The following NAALADL2 variants were observed in gnomAD, a reference collection of about 807,000 sequenced individuals.
The protein encoded by NAALADL2 is inactive N-acetylated-alpha-linked acidic dipeptidase-like protein 2.
In NAALADL2, 76 loss-of-function variants were observed where a neutral mutation model predicts 87.2. The observed-to-expected ratio is 0.87, with a 90% CI of 0.72 to 1.05. The LOEUF (loss-of-function observed/expected upper bound fraction) is 1.05, where lower values mean the gene tolerates loss of function less well. Ranked by LOEUF, NAALADL2 falls within the 50% of genes least tolerant of loss-of-function variation. NAALADL2 has a pLI of 0.00. For synonymous variants in NAALADL2, 354 were observed against 331.0 expected, an observed-to-expected ratio of 1.07 and a Z score of -0.75; for missense variants, 1,089 against 945.8, an observed-to-expected ratio of 1.15 and a Z score of -1.99.
intron 1 of NAALADL2, 33 bp from the exon 2 acceptor site, chr3:175,096,752 GTTTAT>G (rs1241082020): frequency 3.0e-6 from 4 of 1,323,780 alleles, no homozygotes; most frequent in Non-Finnish European, 4.0e-6. Context: ...TTAATTGTGT[GTTTAT>G]TTTATTAAAA....
At chr3:174,736,965 C>T (rs886510956) in intron 2 of NAALADL2, among the ~76,000 whole-genome samples, 2 of 152,186 alleles carry the variant, frequency 1.3e-5, no homozygotes, top group Non-Finnish European at 2.9e-5. Flanking sequence ...CAAGCCTGCG[C>T]ACACCCAGCC....
At chr3:174,856,574 A>G (rs547123175), upstream of NAALADL2, among the ~76,000 whole-genome samples, 12 of 152,224 alleles carry the variant, frequency 7.9e-5, no homozygotes, top group East Asian at 1.5e-3. Flanking sequence ...AAGGACTTTC[A>G]TGGTAATTTG....
At chr3:175,196,002 A>G (rs1156830262) in intron 2 of NAALADL2, among the ~76,000 whole-genome samples, 4 of 151,922 alleles carry the variant, frequency 2.6e-5, no homozygotes, top group Non-Finnish European at 4.4e-5. Context: ...TGCCTTTGAT[A>G]TTAAGCCCAT....
At chr3:174,951,074 T>C (rs1432441637) in intron 1 of NAALADL2, among the ~76,000 whole-genome samples, 5 of 152,042 alleles carry the variant, frequency 3.3e-5, no homozygotes, top group Admixed American at 3.3e-4. Flanking sequence ...TAAAGAAAAA[T>C]AATTTTACAT....
chr3:174,772,658 T>C (rs1048333423), intron 3 of NAALADL2, among the ~76,000 whole-genome samples: 5 of 152,138 alleles, frequency 3.3e-5, no homozygotes, highest in Admixed American at 1.3e-4. Context: ...TGTACTCTTA[T>C]AAAGATTAAC....
chr3:174,725,647 G>A (rs1044363132), intron 2 of NAALADL2, among the ~76,000 whole-genome samples: 1 of 152,152 alleles, frequency 6.6e-6, no homozygotes, highest in African/African-American at 2.4e-5. Flanking sequence ...TTTTGTTAAA[G>A]TTAGCAATCA....
intron 9 of NAALADL2, 63 bp downstream of exon 9, chr3:175,471,821 C>T: frequency 7.3e-7 from 1 of 1,375,454 alleles, no homozygotes; most frequent in Non-Finnish European, 9.9e-7. Context: ...TATATTTTGA[C>T]ATTTCTTGAT....
chr3:175,564,192 G>A, intron 9 of NAALADL2, among the ~76,000 whole-genome samples: 1 of 151,990 alleles, frequency 6.6e-6, no homozygotes, highest in East Asian at 1.9e-4. Context: ...TAAAAAACCT[G>A]AGAGCACCTA....
chr3:175,391,730 C>G (rs1301042516), intron 5 of NAALADL2, among the ~76,000 whole-genome samples: 1 of 152,060 alleles, frequency 6.6e-6, no homozygotes, highest in Non-Finnish European at 1.5e-5. Context: ...AGGGTGGAGA[C>G]TTGTTATATG....
At chr3:175,416,724 C>G (rs1343323287) in intron 5 of NAALADL2, among the ~76,000 whole-genome samples, 1 of 152,084 alleles carries the variant, frequency 6.6e-6, no homozygotes, top group Admixed American at 6.6e-5. Context: ...CCTTAAGGCT[C>G]TTTTCTACAT....
At chr3:174,582,120 C>G (rs979160920) in intron 2 of NAALADL2, among the ~76,000 whole-genome samples, 2 of 152,030 alleles carry the variant, frequency 1.3e-5, no homozygotes, top group East Asian at 1.9e-4. Flanking sequence ...AGAGAGAAAT[C>G]TAGACTAATG....
chr3:175,330,736 A>G (rs1761298520), intron 5 of NAALADL2, among the ~76,000 whole-genome samples: 1 of 152,172 alleles, frequency 6.6e-6, no homozygotes, highest in Non-Finnish European at 1.5e-5. Flanking sequence ...CTAATGATCC[A>G]TCTCAATGAA....
At chr3:175,387,500 T>C (rs1768539965) in intron 5 of NAALADL2, among the ~76,000 whole-genome samples, 1 of 152,106 alleles carries the variant, frequency 6.6e-6, no homozygotes, top group Admixed American at 6.6e-5. Context: ...AATGGATTTA[T>C]GTTTAGTATC....
At chr3:175,519,697 A>T (rs528428732) in intron 9 of NAALADL2, among the ~76,000 whole-genome samples, 2 of 152,220 alleles carry the variant, frequency 1.3e-5, no homozygotes, top group Admixed American at 6.5e-5. Context: ...CTTAATTCCT[A>T]TTCACCGAAA....
At chr3:175,276,003 C>T (rs558603951) in intron 4 of NAALADL2, among the ~76,000 whole-genome samples, 1 of 151,300 alleles carries the variant, frequency 6.6e-6, no homozygotes, top group Non-Finnish European at 1.5e-5. Context: ...TTTCTTCAGT[C>T]ATAAACAATA....
chr3:175,403,900 A>G (rs1711821845), intron 5 of NAALADL2, among the ~76,000 whole-genome samples: 1 of 152,138 alleles, frequency 6.6e-6, no homozygotes, highest in Non-Finnish European at 1.5e-5. Flanking sequence ...ATTTGTTTAT[A>G]AAACAAATAT....
chr3:175,043,919 A>G (rs1240969234), intron 1 of NAALADL2, among the ~76,000 whole-genome samples: 1 of 152,186 alleles, frequency 6.6e-6, no homozygotes, highest in African/African-American at 2.4e-5. Flanking sequence ...CATAAATGCC[A>G]TTGTACTTTT....
At chr3:175,133,065 G>A (rs574805175) in intron 2 of NAALADL2, among the ~76,000 whole-genome samples, 17 of 147,898 alleles carry the variant, frequency 1.1e-4, no homozygotes, top group African/African-American at 2.3e-4. Flanking sequence ...GGGCAGAGGC[G>A]CTCCCCACAT....
intron 2 of NAALADL2, among the ~76,000 whole-genome samples, chr3:175,226,511 T>C (rs1220276029): frequency 2.0e-5 from 3 of 152,128 alleles, no homozygotes; most frequent in African/African-American, 7.2e-5. Context: ...AGTGGAAATC[T>C]GAGATTCAGT....
Sources: gnomAD v4.1 joint callset for allele counts (sites outside exome capture counted in the v4.1 genomes callset) on GRCh38, gnomAD v4.1.1 for gene constraint, MANE v1.5 for transcripts, NCBI Gene and HGNC (gene_info 2026-07-23, HGNC 2026-07-21) for gene names.